Variants in XCR1 observed in about 807,000 individuals in gnomAD.
XCR1 encodes the protein X-C motif chemokine receptor 1, also known as chemokine XC receptor 1.
For missense variants in XCR1, 356 were observed against 424.2 expected (o/e 0.84, Z 1.41); for synonymous variants, 187 against 188.5 (o/e 0.99, Z 0.06).
At chr3:46,035,619 T>C (rs972469895) in intron 5 of XCR1, among the ~76,000 whole-genome samples, 8 of 152,216 alleles carry the variant, frequency 5.3e-5, no homozygotes, top group Non-Finnish European at 1.2e-4. Flanking sequence ...CCACTACAGC[T>C]GGTCTCAACT....
chr3:46,050,553 A>G (rs556440796), intron 5 of XCR1, among the ~76,000 whole-genome samples: 2 of 152,340 alleles, frequency 1.3e-5, no homozygotes, highest in Admixed American at 1.3e-4. Flanking sequence ...AGGAGGGGCC[A>G]AAAGAATATC....
chr3:46,049,108 C>T lies in XCR1; in HGVS notation c.-32+4812G>A, dbSNP rs141872022. On this transcript the variant is annotated intron_variant, in intron 5 of 5. Transcript: ENST00000683768. ...TCTCACCTGTTTGGCACATAACATG[C>T]AGCGTATGAAAATAAGTGTCTATAG... 2.5e-3 allele frequency among the ~76,000 whole-genome samples: 376 copies of T among 152,314 alleles called. 1 individual carries two copies. The highest frequency in any genetic ancestry group is 6.8e-3 in the Middle Eastern group (2 of 294).
chr3:46,020,609 G>T lies in XCR1; in HGVS notation c.*337C>A. 3.2e-6 allele frequency: 1 copy of T among 308,232 alleles called. No homozygotes were observed. Among genetic ancestry groups the T allele is most frequent in the Non-Finnish European group, 6.1e-6 (1 of 165,126 alleles). 19.1% of individuals were successfully genotyped at this position (308,232 alleles called of 1,614,324 possible). On this transcript the variant is annotated 3_prime_UTR_variant, in exon 2 of 2. Coordinates refer to ENST00000309285, the MANE Select transcript of XCR1 (RefSeq NM_001024644.2). ...TAGGCCCTGTAAAGTCTCCAAGGAA[G>T]CACCTTTCCCAGAATCCTTTCATGT...
chr3:46,080,505 T>C (rs183339526), intron 1 of XCR1, among the ~76,000 whole-genome samples: 49 of 152,268 alleles, frequency 3.2e-4, no homozygotes, highest in Non-Finnish European at 4.3e-4. Flanking sequence ...GAGGTTGCAG[T>C]GAGCTGAGAT....
At chr3:46,080,019 A>G (rs1414794600) in intron 1 of XCR1, among the ~76,000 whole-genome samples, 1 of 152,124 alleles carries the variant, frequency 6.6e-6, no homozygotes, top group Non-Finnish European at 1.5e-5. Flanking sequence ...AGATAATTCA[A>G]CAATATACTC....
rs755920719 is a variant in XCR1 at position 46,020,968 on chromosome 3, T to C, written c.980A>G (p.Tyr327Cys). ...CCCTCAGTAGAAGGAGGCGCCCTCA[T>C]AGGCGAAGGCACCAGGGGAGTGGGG... ...SIPHSPGAFA[Y>C]EGASFY The change falls in exon 2 of 2, where the codon TAT (tyrosine) becomes TGT (cysteine). Residue 327 changes from tyrosine to cysteine, a missense_variant. By Grantham distance (194) the Tyr-to-Cys change is radical. Coordinates refer to ENST00000309285, the MANE Select transcript of XCR1 (RefSeq NM_001024644.2). 1.1e-5 allele frequency: 18 copies of C among 1,612,434 alleles called. No individual in the cohort carries two copies. Among genetic ancestry groups the C allele is most frequent in the Admixed American group, 6.7e-5 (4 of 59,818 alleles).
At chr3:46,045,398 A>G (rs1253452533) in intron 5 of XCR1, among the ~76,000 whole-genome samples, 3 of 152,152 alleles carry the variant, frequency 2.0e-5, no homozygotes, top group Non-Finnish European at 2.9e-5. Flanking sequence ...GGAAAAAAAA[A>G]AAGAAAGAAT....
At chr3:46,046,567 C>T (rs948921309) in intron 5 of XCR1, among the ~76,000 whole-genome samples, 1 of 152,198 alleles carries the variant, frequency 6.6e-6, no homozygotes, top group Non-Finnish European at 1.5e-5. Flanking sequence ...TCCCATGGGC[C>T]TTTGGCTCCC....
chr3:46,030,749 C>A (rs893926249), upstream of XCR1, among the ~76,000 whole-genome samples: 12 of 152,196 alleles, frequency 7.9e-5, no homozygotes, highest in East Asian at 2.3e-3. Context: ...GTGGTGGGAC[C>A]TCTGTGCCCT....
intron 4 of XCR1, among the ~76,000 whole-genome samples, chr3:46,061,750 G>A (rs537889188): frequency 6.6e-6 from 1 of 152,072 alleles, no homozygotes; most frequent in South Asian, 2.1e-4. Flanking sequence ...GGGGTTAGGC[G>A]GCTGATGCCA....
chr3:46,045,473 A>G (rs1224798521), intron 5 of XCR1, among the ~76,000 whole-genome samples: 2 of 152,182 alleles, frequency 1.3e-5, no homozygotes, highest in South Asian at 2.1e-4. Context: ...TTGAAAATCA[A>G]TTAATGTAAT....
rs1353208187 is a variant in XCR1, at chr3:46,019,037, T to C, written c.*1909A>G. ...ATGGCAAAGTTTAGAGAGTGGCTTT[T>C]ATTTATGCCCTTGGGTGTGAAGCAA... On this transcript the variant is annotated 3_prime_UTR_variant, in exon 2 of 2. Transcript: ENST00000309285. 3 of 152,180 alleles carry C rather than the reference T, an allele frequency of 2.0e-5. No individual in the cohort carries two copies. Among genetic ancestry groups the C allele is most frequent in the Admixed American group, 1.3e-4 (2 of 15,286 alleles). The allele number at this position is 152,180 out of a possible 1,614,324, so 9.4% of individuals were successfully genotyped here. A position where few individuals can be genotyped will look rare whatever the true frequency, so the allele number is the denominator to read the frequency against.
In XCR1 at chr3:46,017,064, T is replaced by C. The variant is rs1253145599; in HGVS notation, c.*3882A>G. On this transcript the variant is annotated 3_prime_UTR_variant, in exon 2 of 2. Transcript: ENST00000309285. ...TCTTGTTTAATGAAATGATGCATAA[T>C]AATTCATACTTATCTGGGACAGAAT... The C allele has an allele frequency of 6.6e-6, 1 of 152,254 alleles. No individual in the cohort carries two copies. The highest frequency in any genetic ancestry group is 1.5e-5 in the Non-Finnish European group (1 of 68,056). 9.4% of individuals were successfully genotyped at this position (152,254 alleles called of 1,614,324 possible).
intron 1 of XCR1, chr3:46,023,169 T>G (rs1450718991): frequency 2.4e-6 from 1 of 420,190 alleles, no homozygotes; most frequent in East Asian, 4.0e-5. Flanking sequence ...GCGCGGGGCC[T>G]GAGGAGGAAG....
chr3:46,062,076 G>A (rs1436812836), intron 4 of XCR1, among the ~76,000 whole-genome samples: 1 of 152,176 alleles, frequency 6.6e-6, no homozygotes, highest in Non-Finnish European at 1.5e-5. Context: ...ATTACATACA[G>A]AAGACGTTGA....
At chr3:46,036,504 TTAAG>T (rs1198791122) in intron 5 of XCR1, among the ~76,000 whole-genome samples, 2 of 152,242 alleles carry the variant, frequency 1.3e-5, no homozygotes, top group Non-Finnish European at 2.9e-5. Context: ...AACTCATAAA[TTAAG>T]TAAGCCCAAA....
intron 1 of XCR1, 87 bp downstream of exon 1, chr3:46,027,330 G>C (rs1708314986): frequency 6.6e-6 from 1 of 152,130 alleles, no homozygotes; most frequent in Non-Finnish European, 1.5e-5. Context: ...AGGTGGTTCT[G>C]ATGTGCAGCA....
At chr3:46,055,345 TTTTG>T (rs1348429366) in intron 4 of XCR1, among the ~76,000 whole-genome samples, 1 of 152,218 alleles carries the variant, frequency 6.6e-6, no homozygotes, top group Non-Finnish European at 1.5e-5. Flanking sequence ...ATCAGAAGGT[TTTTG>T]TTTAAGAATT....
chr3:46,052,245 C>T (rs1697760982), intron 5 of XCR1, among the ~76,000 whole-genome samples: 1 of 152,156 alleles, frequency 6.6e-6, no homozygotes, highest in Non-Finnish European at 1.5e-5. Flanking sequence ...TCTAATCCTG[C>T]ACTTCCTGGT....
Sources: gnomAD v4.1 joint callset for allele counts (sites outside exome capture counted in the v4.1 genomes callset) on GRCh38, gnomAD v4.1.1 for gene constraint, MANE v1.5 for transcripts, NCBI Gene and HGNC (gene_info 2026-07-23, HGNC 2026-07-21) for gene names.